Variants in HTR7 observed in about 807,000 individuals in gnomAD.
HTR7 encodes the protein 5-HT-7.
In HTR7, 16 loss-of-function variants were observed where a neutral mutation model predicts 34.0. The observed-to-expected ratio is 0.47, with a 90% confidence interval of 0.32 to 0.71. HTR7 has a LOEUF of 0.71. Ranked by LOEUF, HTR7 falls within the 30% of genes least tolerant of loss-of-function variation. HTR7 has a pLI of 0.04. For missense variants in HTR7, 504 were observed against 625.5 expected (o/e 0.81, Z 2.07); for synonymous variants, 265 against 260.2 (o/e 1.02, Z -0.18).
intron 1 of HTR7, among the ~76,000 whole-genome samples, chr10:90,830,666 T>G (rs187986772): frequency 1.9e-4 from 29 of 151,828 alleles, no homozygotes; most frequent in Admixed American, 1.7e-3. Context: ...TGCGTGCTTG[T>G]AGTCCCAGGT....
rs553200783 is a variant in HTR7, at chr10:90,843,708, G to T, written c.539+13425C>A. Among the ~76,000 whole-genome samples the T allele has an allele frequency of 9.3e-5, 14 of 150,520 alleles. No homozygotes were observed. The East Asian group carries it at 2.7e-3, about 30-fold the overall frequency. On this transcript the variant is annotated intron_variant, in intron 1 of 3. Transcript: ENST00000336152. ...GAAAAGAAAGGGGGAAAGAAGGAAA[G>T]GTGGAAGAAAAGAAAGGGGGAAAGA...
intron 1 of HTR7, among the ~76,000 whole-genome samples, chr10:90,759,123 G>T (rs1844888563): frequency 6.6e-6 from 1 of 150,482 alleles, no homozygotes; most frequent in Non-Finnish European, 1.5e-5. Context: ...GGAGGTGGAG[G>T]TTGCGGTGAG....
chr10:90,857,572 CG>C lies in HTR7; in HGVS notation c.99del (p.Asp34ThrfsTer16). On this transcript the variant is annotated frameshift_variant, in exon 1 of 4. Transcript: ENST00000336152. LOFTEE classifies it high-confidence loss of function. The surrounding 1 kb of genome is among the most constrained non-coding windows in gnomAD (Gnocchi z 6.5). Reference sequence around the variant, plus strand: ...CCCGCGACCGGGTCGGCGCCACCGTCGGGGCTCAAGTCGGGCAGCCCGCGCC... The same window carrying C: ...CCCGCGACCGGGTCGGCGCCACCGTCGGGCTCAAGTCGGGCAGCCCGCGCC... ...EVGRGLPDLS[P>X]DGGADPVAGS... is the part of the protein sequence containing the mutation. 6.3e-7 allele frequency: 1 copy of C among 1,595,430 alleles called. No homozygotes were observed. The highest frequency in any genetic ancestry group is 1.3e-5 in the African/African-American group (1 of 74,690).
intron 1 of HTR7, among the ~76,000 whole-genome samples, chr10:90,850,266 CA>C (rs1157734771): frequency 6.6e-6 from 1 of 152,180 alleles, no homozygotes; most frequent in African/African-American, 2.4e-5. Flanking sequence ...CTGAACTAGC[CA>C]GGGGTGGAAG....
intron 1 of HTR7, among the ~76,000 whole-genome samples, chr10:90,797,828 T>C (rs1315771636): frequency 6.6e-6 from 1 of 152,178 alleles, no homozygotes; most frequent in African/African-American, 2.4e-5. Context: ...ATAAAGAAAA[T>C]ACATTTATTT....
chr10:90,783,090 T>G (rs1031999457), intron 1 of HTR7, among the ~76,000 whole-genome samples: 6 of 152,224 alleles, frequency 3.9e-5, no homozygotes, highest in Non-Finnish European at 7.3e-5. Flanking sequence ...CAATTACCAT[T>G]TGCATCTACT....
intron 1 of HTR7, among the ~76,000 whole-genome samples, chr10:90,786,956 T>C (rs2119865797): frequency 6.6e-6 from 1 of 152,256 alleles, no homozygotes; most frequent in Admixed American, 6.5e-5. Flanking sequence ...AGGAAGATCT[T>C]CTTAGGAAAA....
At chr10:90,776,589 T>A (rs1845215957) in intron 1 of HTR7, among the ~76,000 whole-genome samples, 1 of 152,226 alleles carries the variant, frequency 6.6e-6, no homozygotes, top group South Asian at 2.1e-4. Flanking sequence ...ACTTCATACC[T>A]CACATGTCAC....
chr10:90,782,921 A>C (rs933926212), intron 1 of HTR7, among the ~76,000 whole-genome samples: 1 of 152,106 alleles, frequency 6.6e-6, no homozygotes, highest in African/African-American at 2.4e-5. Context: ...TTGGTATTTG[A>C]TAATTCTAAC....
rs185529830 is a variant in HTR7, at chr10:90,827,459, G to A, written c.539+29674C>T. Reference sequence around the variant, plus strand: ...TGGATTTTTAAAAAACAGACCCAGTGTTCTGTTGCCTACTAAAAACACACT... The same window carrying A: ...TGGATTTTTAAAAAACAGACCCAGTATTCTGTTGCCTACTAAAAACACACT... On this transcript the variant is annotated intron_variant, in intron 1 of 3. Transcript: ENST00000336152. 2.9e-4 allele frequency among the ~76,000 whole-genome samples: 44 copies of A among 152,228 alleles called. No individual in the cohort carries two copies. The East Asian group carries it at 7.7e-3, about 27-fold the overall frequency.
At chr10:90,785,158 G>C (rs1265734779) in intron 1 of HTR7, among the ~76,000 whole-genome samples, 1 of 152,158 alleles carries the variant, frequency 6.6e-6, no homozygotes, top group Non-Finnish European at 1.5e-5. Context: ...CAAGAACTGT[G>C]TTTTTCATTG....
rs536518074 is a variant in HTR7, at chr10:90,787,661, C to T, written c.540-38067G>A. Among the ~76,000 whole-genome samples the T allele has an allele frequency of 8.5e-5, 13 of 152,074 alleles. No homozygotes were observed. The South Asian group carries it at 2.7e-3, about 32-fold the overall frequency. ...ATATGAAGGAGGTAATATTATCATT[C>T]ATATTTTAGAGATGAGAAATTGTAA... On this transcript the variant is annotated intron_variant, in intron 1 of 3. Coordinates refer to ENST00000336152, the MANE Select transcript of HTR7 (RefSeq NM_019859.4).
chr10:90,780,323 G>A (rs1173044941), intron 1 of HTR7, among the ~76,000 whole-genome samples: 2 of 152,222 alleles, frequency 1.3e-5, no homozygotes, highest in South Asian at 4.1e-4. Context: ...ATCACCTGAG[G>A]TCAGGAGTTC....
intron 1 of HTR7, among the ~76,000 whole-genome samples, chr10:90,760,481 G>C (rs1007533458): frequency 6.6e-6 from 1 of 152,212 alleles, no homozygotes; most frequent in African/African-American, 2.4e-5. Flanking sequence ...CAAATAGCTA[G>C]AAGGAGGGTA....
chr10:90,840,157 T>A (rs1846305418), intron 1 of HTR7, among the ~76,000 whole-genome samples: 1 of 142,778 alleles, frequency 7.0e-6, no homozygotes, highest in Admixed American at 7.1e-5. Context: ...TGTCTCTCCA[T>A]CTGTTTCTCT....
rs146171878 is a variant in HTR7, at chr10:90,857,381, C to A, written c.291G>T (p.Ala97=). 279 of 1,613,972 alleles carry A rather than the reference C, an allele frequency of 1.7e-4. No individual in the cohort carries two copies. Among genetic ancestry groups the A allele is most frequent in the Non-Finnish European group, 5.7e-5 (67 of 1,180,020 alleles). Residue 97 remains alanine (A), a synonymous_variant, in exon 1 of 4, where the codon GCG becomes GCT. Transcript: ENST00000336152. The surrounding 1 kb of genome is among the most constrained non-coding windows in gnomAD (Gnocchi z 6.5). ...CGGAGATCACCACCAGGCAGTTGCC[C>A]GCGATCGTCAGCAGCGTGATGAGCG... ...ILTLITLLTI[A]GNCLVVISVC...
chr10:90,782,114 C>A (rs1219584177), intron 1 of HTR7, among the ~76,000 whole-genome samples: 1 of 152,154 alleles, frequency 6.6e-6, no homozygotes, highest in Non-Finnish European at 1.5e-5. Context: ...CTTGATACCA[C>A]CCTAGCAGAG....
chr10:90,813,378 C>T (rs1413644521), intron 1 of HTR7, among the ~76,000 whole-genome samples: 2 of 152,066 alleles, frequency 1.3e-5, no homozygotes, highest in Non-Finnish European at 2.9e-5. Context: ...AAAAATTAGC[C>T]AAGCATGGTA....
intron 1 of HTR7, among the ~76,000 whole-genome samples, chr10:90,773,833 T>C (rs1845160616): frequency 6.6e-6 from 1 of 152,216 alleles, no homozygotes; most frequent in Non-Finnish European, 1.5e-5. Flanking sequence ...GTACCACATT[T>C]CCTTTATCCA....
Sources: allele counts gnomAD v4.1 joint callset (sites outside exome capture counted in the v4.1 genomes callset), GRCh38; gene constraint gnomAD v4.1.1; non-coding constraint Gnocchi (gnomAD v3.1); transcripts MANE v1.5; gene names NCBI Gene and HGNC (gene_info 2026-07-23, HGNC 2026-07-21).